FNTA: variants seen among roughly 807,000 people sequenced by gnomAD.
The protein encoded by FNTA is farnesyltransferase, CAAX box, subunit alpha, also known as protein farnesyltransferase/geranylgeranyltransferase type-1 subunit alpha.
A neutral mutation model predicts 55.2 loss-of-function variants in FNTA; 27 were observed. The observed-to-expected ratio is 0.49, with a 90% confidence interval of 0.36 to 0.67. The LOEUF (loss-of-function observed/expected upper bound fraction) is 0.67, where lower values mean the gene tolerates loss of function less well. Among genes scored for constraint, FNTA ranks in the 30% least tolerant of loss-of-function variants. The probability of loss-of-function intolerance (pLI) is 0.00; values close to 1 mark genes in which losing one functional copy is unlikely to be tolerated. For missense variants in FNTA, 422 were observed against 464.7 expected (o/e 0.91, Z 0.85); for synonymous variants, 176 against 170.7 (o/e 1.03, Z -0.24).
chr8:43,064,036 A>G (rs1810596653), intron 2 of FNTA, 65 bp from the exon 3 acceptor site: 4 of 948,010 alleles, frequency 4.2e-6, no homozygotes, highest in South Asian at 2.7e-5. Context: ...GTATAGTGAC[A>G]TTATACATTA....
chr8:43,081,912 T>C (rs1375092347), intron 6 of FNTA: 1 of 152,174 alleles, frequency 6.6e-6, no homozygotes, highest in African/African-American at 2.4e-5. Flanking sequence ...AGTACACATG[T>C]ATGTAAATAA....
In FNTA at chr8:43,085,491, A is replaced by G. The variant is rs941189820; in HGVS notation, c.*209A>G. 7 of 534,918 alleles carry G rather than the reference A, an allele frequency of 1.3e-5. No individual in the cohort carries two copies. In the Admixed American group the frequency reaches 2.4e-4, roughly 19 times the overall value. The allele number at this position is 534,918 out of a possible 1,614,324, so 33.1% of individuals were successfully genotyped here. ...GATTCTTCTAAAGCAAAGTCATTGG[A>G]TGGGAGGAGGAAGAAAAAGTCCCAT... On this transcript the variant is annotated 3_prime_UTR_variant, in exon 9 of 9. Transcript: ENST00000302279.
intron 1 of FNTA, 80 bp downstream of exon 1, chr8:43,056,626 G>A: frequency 1.0e-6 from 1 of 953,382 alleles, no homozygotes; most frequent in East Asian, 3.4e-5. Flanking sequence ...CGCGCTTCCG[G>A]CCCCGGCGCG....
At chr8:43,081,439 C>G (rs1811025796) in intron 6 of FNTA, 1 of 152,184 alleles carries the variant, frequency 6.6e-6, no homozygotes, top group South Asian at 2.1e-4. Flanking sequence ...ATTCTAACAG[C>G]TCTGTGAGAC....
chr8:43,065,971 G>A (rs906383703), intron 3 of FNTA, among the ~76,000 whole-genome samples: 1 of 151,004 alleles, frequency 6.6e-6, no homozygotes, highest in Admixed American at 6.6e-5. Flanking sequence ...TTCTTTTCAG[G>A]TTGAGAAGAT....
chr8:43,073,329 A>G (rs1434676263), intron 5 of FNTA: 1 of 152,232 alleles, frequency 6.6e-6, no homozygotes, highest in African/African-American at 2.4e-5. Context: ...CATAACCAGT[A>G]TTTTTGAAAA....
chr8:43,062,402 C>T (rs1206502210), intron 2 of FNTA, among the ~76,000 whole-genome samples: 1 of 151,934 alleles, frequency 6.6e-6, no homozygotes, highest in Non-Finnish European at 1.5e-5. Context: ...GTGCCTCAGC[C>T]TTCTGAGTAG....
chr8:43,064,022 A>T, intron 2 of FNTA, 79 bp from the exon 3 acceptor site: 1 of 851,342 alleles, frequency 1.2e-6, no homozygotes, highest in Non-Finnish European at 1.9e-6. Context: ...AAATATCTTT[A>T]TAGGTATAGT....
intron 6 of FNTA, 72 bp downstream of exon 6, chr8:43,077,436 G>GA: frequency 8.3e-7 from 1 of 1,209,890 alleles, no homozygotes; most frequent in Non-Finnish European, 1.2e-6. Flanking sequence ...AGGCACTGGG[G>GA]ATACAGCAGA....
chr8:43,085,315 AT>A lies in FNTA; in HGVS notation c.*39del, dbSNP rs774994303. On this transcript the variant is annotated 3_prime_UTR_variant, in exon 9 of 9. Transcript: ENST00000302279. The stretch of plus-strand genomic sequence containing the variant: ...CAGAAGAACTTGATGGAATGCTTTT[AT>A]TTTTTATTAAGGGACCCTGCAGGAG... 1.3e-6 allele frequency: 2 copies of A among 1,593,916 alleles called. No homozygotes were observed. The highest frequency in any genetic ancestry group is 2.7e-5 in the African/African-American group (2 of 73,612).
intron 2 of FNTA, chr8:43,063,310 G>T (rs1282635796): frequency 2.2e-6 from 1 of 455,910 alleles, no homozygotes; most frequent in South Asian, 1.5e-5. Context: ...TAAACTGCTG[G>T]GTTCAAGTGA....
chr8:43,085,006 A>AG, intron 8 of FNTA, 125 bp downstream of exon 8: 5 of 1,165,340 alleles, frequency 4.3e-6, no homozygotes, highest in Non-Finnish European at 6.2e-6. Flanking sequence ...ATTTCTGGTT[A>AG]GGGGCAGCAT....
Position 43,083,873 on chromosome 8 carries a change from G to A in FNTA, c.845+693G>A, listed in dbSNP as rs1181116874. ...GGATTACTTGAGGCTAGGAGGTCGA[G>A]ACCAGCCTGGCCAACATGGCAAAAC... is the stretch of plus-strand genomic sequence containing the variant. On this transcript the variant is annotated intron_variant, in intron 7 of 8. Transcript: ENST00000302279. Among the ~76,000 whole-genome samples, 5 of 152,160 alleles carry A rather than the reference G, an allele frequency of 3.3e-5. No individual in the cohort carries two copies. In the East Asian group the frequency reaches 9.6e-4, roughly 29 times the overall value.
At chr8:43,083,047 GAAAA>G (rs200228166) in intron 6 of FNTA, 67 bp from the exon 7 acceptor site, 12 of 800,524 alleles carry the variant, frequency 1.5e-5, no homozygotes, top group East Asian at 6.7e-5. Context: ...CTCCGTTTCA[GAAAA>G]AAAAAAAAAC....
At chr8:43,073,268 A>G (rs1458359466) in intron 5 of FNTA, among the ~76,000 whole-genome samples, 2 of 152,206 alleles carry the variant, frequency 1.3e-5, no homozygotes, top group Non-Finnish European at 2.9e-5. Context: ...AAAAGCATAC[A>G]TTTTACACAT....
chr8:43,063,678 T>C (rs1810588246), intron 2 of FNTA, among the ~76,000 whole-genome samples: 4 of 152,292 alleles, frequency 2.6e-5, no homozygotes, highest in Admixed American at 2.0e-4. Context: ...CTTGGGAATT[T>C]AGTGGAATGG....
intron 2 of FNTA, among the ~76,000 whole-genome samples, chr8:43,060,161 CG>C (rs1563325238): frequency 6.6e-6 from 1 of 151,874 alleles, no homozygotes; most frequent in African/African-American, 2.4e-5. Flanking sequence ...TATAACTGCA[CG>C]GAAATGCAAA....
chr8:43,065,059 C>T (rs1291283407), intron 3 of FNTA, among the ~76,000 whole-genome samples: 1 of 151,900 alleles, frequency 6.6e-6, no homozygotes, highest in Non-Finnish European at 1.5e-5. Context: ...TGGCCTCGAT[C>T]TCCTGACCTC....
chr8:43,058,756 G>T (rs894791918), intron 1 of FNTA, among the ~76,000 whole-genome samples: 1 of 152,128 alleles, frequency 6.6e-6, no homozygotes, highest in African/African-American at 2.4e-5. Context: ...CAGCCTGGGC[G>T]ACAGAGTGAG....
Sources: gnomAD v4.1 joint callset for allele counts (sites outside exome capture counted in the v4.1 genomes callset) on GRCh38, gnomAD v4.1.1 for gene constraint, MANE v1.5 for transcripts, NCBI Gene and HGNC (gene_info 2026-07-23, HGNC 2026-07-21) for gene names.